Variants in TRMT1L observed in about 807,000 individuals in gnomAD.
TRMT1L encodes tRNA methyltransferase 1L.
A neutral mutation model predicts 81.6 loss-of-function variants in TRMT1L; 28 were observed. The ratio of observed to expected loss-of-function variants is 0.34; its 90% confidence interval spans 0.25 to 0.47. The LOEUF (loss-of-function observed/expected upper bound fraction) is 0.47, where lower values mean the gene tolerates loss of function less well. TRMT1L is among the 20% of genes least tolerant of loss of function. The pLI is 1.00. For synonymous variants in TRMT1L, 301 were observed against 303.2 expected, an observed-to-expected ratio of 0.99 and a Z score of 0.07; for missense variants, 739 against 877.1, an observed-to-expected ratio of 0.84 and a Z score of 1.99.
chr1:185,132,725 C>T (rs1652805027), intron 10 of TRMT1L, among the ~76,000 whole-genome samples: 1 of 151,996 alleles, frequency 6.6e-6, no homozygotes, highest in African/African-American at 2.4e-5. Flanking sequence ...GCAGACTTCT[C>T]ACTGGAAGCT....
chr1:185,120,239 G>A lies in TRMT1L; in HGVS notation c.1982C>T (p.Ala661Val), dbSNP rs1279500339. The change falls in exon 15 of 15, where the codon GCA becomes GTA. Residue 661 changes from alanine to valine, a missense_variant. Ala to Val is a moderately conservative substitution (Grantham distance 64, BLOSUM62 0). Transcript: ENST00000367506. Reference sequence around the variant, plus strand: ...ATGAGTTCGGCTTACTCGAAAGCCTGCTTGAGATAAATAGCACAAAAACTT... The same window carrying A: ...ATGAGTTCGGCTTACTCGAAAGCCTACTTGAGATAAATAGCACAAAAACTT... ...LKKFLCYLSQ[A>V]GFRVSRTHFD... 2.5e-6 allele frequency: 4 copies of A among 1,588,596 alleles called. No homozygotes were observed. Among genetic ancestry groups the A allele is most frequent in the African/African-American group, 1.3e-5 (1 of 74,570 alleles).
Position 185,119,471 on chromosome 1 carries a change from T to G in TRMT1L, c.*548A>C, listed in dbSNP as rs1652442185. The G allele has an allele frequency of 6.6e-6, 1 of 152,178 alleles. No individual in the cohort carries two copies. Among genetic ancestry groups the G allele is most frequent in the Non-Finnish European group, 1.5e-5 (1 of 68,024 alleles). 9.4% of individuals were successfully genotyped at this position (152,178 alleles called of 1,614,324 possible). ...TAATTTCTTAAAAGCTAGTAAGAAA[T>G]GAAAAGATCAATGTGGAGAGAAGTA... On this transcript the variant is annotated 3_prime_UTR_variant, in exon 15 of 15. Coordinates refer to ENST00000367506, the MANE Select transcript of TRMT1L (RefSeq NM_030934.5).
Position 185,128,043 on chromosome 1 carries a change from G to C in TRMT1L, c.1592+626C>G, listed in dbSNP as rs534839819. The stretch of plus-strand genomic sequence containing the variant: ...GCAGGAGAATCGCTTGAACCTAGGA[G>C]GTGGAGGTTGCAGTGAGCCGATATT... On this transcript the variant is annotated intron_variant, in intron 11 of 14. Transcript: ENST00000367506. Among the ~76,000 whole-genome samples the C allele has an allele frequency of 2.0e-5, 3 of 152,104 alleles. No homozygotes were observed. The East Asian group carries it at 5.8e-4, about 29-fold the overall frequency.
At chr1:185,154,948 T>C (rs554370944) in intron 1 of TRMT1L, among the ~76,000 whole-genome samples, 26 of 152,174 alleles carry the variant, frequency 1.7e-4, no homozygotes, top group Non-Finnish European at 2.8e-4. Context: ...TTCCTCAATT[T>C]TCAATTCTAT....
intron 10 of TRMT1L, among the ~76,000 whole-genome samples, chr1:185,136,680 T>G (rs547866683): frequency 2.0e-5 from 3 of 152,294 alleles, no homozygotes; most frequent in Non-Finnish European, 4.4e-5. Context: ...CAAAGAGCTT[T>G]GAGTAGGGAT....
At chr1:185,129,738 T>C (rs1386150818) in intron 10 of TRMT1L, among the ~76,000 whole-genome samples, 2 of 152,244 alleles carry the variant, frequency 1.3e-5, no homozygotes, top group African/African-American at 2.4e-5. Flanking sequence ...AGTTATGAGA[T>C]CTTATTTTAC....
At chr1:185,143,237 T>G in intron 7 of TRMT1L, 120 bp downstream of exon 7, 1 of 813,254 alleles carries the variant, frequency 1.2e-6, no homozygotes, top group Non-Finnish European at 1.9e-6. Context: ...CAATAAAAAA[T>G]TAAAAATTTT....
chr1:185,140,823 T>C (rs919200629), intron 7 of TRMT1L, among the ~76,000 whole-genome samples: 5 of 150,616 alleles, frequency 3.3e-5, no homozygotes, highest in Non-Finnish European at 4.4e-5. Flanking sequence ...TACAGAAAAA[T>C]ACAAAAATTA....
At chr1:185,140,308 A>G (rs531966077) in intron 7 of TRMT1L, 86 bp from the exon 8 acceptor site, 1 of 1,074,844 alleles carries the variant, frequency 9.3e-7, no homozygotes, top group East Asian at 2.6e-5. Flanking sequence ...AGTTTTATAA[A>G]TAACAAATTA....
At chr1:185,128,019 C>T (rs1367013728) in intron 11 of TRMT1L, among the ~76,000 whole-genome samples, 1 of 151,390 alleles carries the variant, frequency 6.6e-6, no homozygotes, top group Non-Finnish European at 1.5e-5. Context: ...GAGGCTGAGG[C>T]AGGAGAATCG....
intron 10 of TRMT1L, among the ~76,000 whole-genome samples, chr1:185,132,909 T>A (rs12030778): frequency 0.1 from 15,191 of 152,178 alleles, 984 homozygotes; most frequent in East Asian, 0.25. Flanking sequence ...ATAGGAGATT[T>A]ATCACAAAAA....
rs761966868 is a variant in TRMT1L at position 185,156,691 on chromosome 1, C to T, written c.22G>A (p.Glu8Lys). 22 of 1,612,460 alleles carry T rather than the reference C, an allele frequency of 1.4e-5. No individual in the cohort carries two copies. The South Asian group carries it at 1.6e-4, about 12-fold the overall frequency. MENMAEEELLPLEKEEVE... is the reference protein window; with the variant it reads MENMAEEKLLPLEKEEVE... ...TCCTCCTTCTCCAGGGGCAGCAGCT[C>T]CTCCTCCGCCATATTCTCCATAGTT... The change falls in exon 1 of 15, where the codon GAG becomes AAG. Residue 8 changes from glutamate (E) to lysine (K), a missense_variant. This residue lies in a region of TRMT1L where 209 missense variants were observed against 165.4 expected (regional missense o/e 1.26). Coordinates refer to ENST00000367506, the MANE Select transcript of TRMT1L (RefSeq NM_030934.5).
At chr1:185,154,150 C>T (rs1653432862) in intron 1 of TRMT1L, among the ~76,000 whole-genome samples, 1 of 152,204 alleles carries the variant, frequency 6.6e-6, no homozygotes. Context: ...CAATTCAGCA[C>T]TATCAGACAC....
chr1:185,127,208 A>G (rs549108753), intron 11 of TRMT1L, among the ~76,000 whole-genome samples: 98 of 152,332 alleles, frequency 6.4e-4, no homozygotes, highest in Middle Eastern at 3.4e-3. Flanking sequence ...GTTCTGAATC[A>G]GTGAGTAGGA....
At chr1:185,128,894 A>G in intron 10 of TRMT1L, 147 bp from the exon 11 acceptor site, 2 of 675,144 alleles carry the variant, frequency 3.0e-6, no homozygotes, top group Non-Finnish European at 2.5e-6. Context: ...ATGTATGTAT[A>G]TATGTGTGTG....
chr1:185,145,648 A>AT (rs1378359691), intron 4 of TRMT1L, 80 bp from the exon 5 acceptor site: 3 of 1,402,090 alleles, frequency 2.1e-6, no homozygotes, highest in Non-Finnish European at 3.0e-6. Context: ...TAAGTACATT[A>AT]GTGTCTTGGA....
chr1:185,156,653 G>A lies in TRMT1L; in HGVS notation c.60C>T (p.Ala20=). The change falls in exon 1 of 15, where the codon GCC becomes GCT. Residue 20 remains alanine, a synonymous_variant. Coordinates refer to ENST00000367506, the MANE Select transcript of TRMT1L (RefSeq NM_030934.5). ...LPLEKEEVEV[A]QVQVPTPARD... is the part of the protein sequence containing the mutation. ...GGGCCGGGGTCGGGACCTGGACCTG[G>A]GCCACCTCCACCTCCTCCTTCTCCA... 1 of 1,610,470 alleles carries A rather than the reference G, an allele frequency of 6.2e-7. No individual in the cohort carries two copies. Among genetic ancestry groups the A allele is most frequent in the Non-Finnish European group, 8.5e-7 (1 of 1,178,696 alleles).
intron 10 of TRMT1L, among the ~76,000 whole-genome samples, chr1:185,134,657 T>C (rs1045971770): frequency 1.3e-5 from 2 of 152,264 alleles, no homozygotes; most frequent in African/African-American, 2.4e-5. Flanking sequence ...TTAAAATGTT[T>C]GATTAATGTC....
rs1653004256 is a variant in TRMT1L, at chr1:185,140,312, C to G, written c.860-90G>C. 3 of 1,041,308 alleles carry G rather than the reference C, an allele frequency of 2.9e-6. No homozygotes were observed. In the East Asian group the frequency reaches 8.0e-5, roughly 28 times the overall value. 64.5% of individuals were successfully genotyped at this position (1,041,308 alleles called of 1,614,324 possible). On this transcript the variant is annotated intron_variant, in intron 7 of 14. Transcript: ENST00000367506. ...TAACAACATTCAGTTTTATAAATAACAAATTATTTCAAAATTTAATGTTTT... is the reference window on the plus strand; with the variant it reads ...TAACAACATTCAGTTTTATAAATAAGAAATTATTTCAAAATTTAATGTTTT...
Sources: gnomAD v4.1 joint callset for allele counts (sites outside exome capture counted in the v4.1 genomes callset) on GRCh38, gnomAD v4.1.1 for gene constraint, gnomAD v4.1.1 regional missense constraint, MANE v1.5 for transcripts, NCBI Gene and HGNC (gene_info 2026-07-23, HGNC 2026-07-21) for gene names.